The following NKIRAS1 variants were observed in gnomAD, a reference collection of about 807,000 sequenced individuals.
The protein encoded by NKIRAS1 is NF-kappa-B inhibitor-interacting Ras-like protein 1.
In NKIRAS1, 16 loss-of-function variants were observed where a neutral mutation model predicts 19.8. That is an observed-to-expected ratio of 0.81 (90% CI 0.55 to 1.23). The LOEUF (loss-of-function observed/expected upper bound fraction) is 1.23. Among genes scored for constraint, NKIRAS1 ranks in the 50% most tolerant of loss-of-function variants. The pLI, the probability that NKIRAS1 is intolerant of heterozygous loss-of-function variation, is 0.00. For missense variants in NKIRAS1, 184 were observed against 220.0 expected, an observed-to-expected ratio of 0.84 and a Z score of 1.04; for synonymous variants, 88 against 79.0, an observed-to-expected ratio of 1.11 and a Z score of -0.61.
At chr3:23,916,026 G>A (rs568480406) in intron 1 of NKIRAS1, 18 of 152,252 alleles carry the variant, frequency 1.2e-4, no homozygotes, top group African/African-American at 4.3e-4. Context: ...CAGCAACTAT[G>A]CCTGGCACAT....
intron 1 of NKIRAS1, among the ~76,000 whole-genome samples, chr3:23,914,811 T>G (rs530757270): frequency 3.3e-5 from 5 of 152,252 alleles, no homozygotes; most frequent in Admixed American, 3.3e-4. Flanking sequence ...TTATTCACAC[T>G]ACTAGAATTG....
At chr3:23,921,501 C>G (rs1705077712), upstream of NKIRAS1, 1 of 667,404 alleles carries the variant, frequency 1.5e-6, no homozygotes, top group East Asian at 2.7e-5. Context: ...GACCGCCCCA[C>G]AAGCTGTTCC....
At chr3:23,938,505 C>T (rs544877812) in intron 1 of NKIRAS1, among the ~76,000 whole-genome samples, 2 of 152,262 alleles carry the variant, frequency 1.3e-5, no homozygotes, top group Admixed American at 6.5e-5. Flanking sequence ...AGCCACCATG[C>T]CCAGCCATGT....
chr3:23,942,420 C>T (rs1221988832), intron 1 of NKIRAS1, among the ~76,000 whole-genome samples: 1 of 152,062 alleles, frequency 6.6e-6, no homozygotes. Context: ...CATTCAAAGC[C>T]ATAGTTTATT....
chr3:23,935,344 A>G (rs910744527), intron 1 of NKIRAS1, among the ~76,000 whole-genome samples: 20 of 152,092 alleles, frequency 1.3e-4, no homozygotes, highest in African/African-American at 4.8e-4. Flanking sequence ...TTAGTTTATG[A>G]AAGAAAGGTG....
At chr3:23,946,010 C>T (rs1705680751) in intron 1 of NKIRAS1, 3 of 719,220 alleles carry the variant, frequency 4.2e-6, no homozygotes, top group Non-Finnish European at 5.1e-6. Context: ...CCCGGGGCCG[C>T]AGGGACACGT....
At chr3:23,895,155 ATCC>A (rs1228730454) in intron 4 of NKIRAS1, among the ~76,000 whole-genome samples, 7 of 151,950 alleles carry the variant, frequency 4.6e-5, no homozygotes, top group Middle Eastern at 3.4e-3. Context: ...AGCGATCGTG[ATCC>A]TCCTCCTCAG....
At chr3:23,903,458 A>G (rs1202419457) in intron 3 of NKIRAS1, among the ~76,000 whole-genome samples, 1 of 152,170 alleles carries the variant, frequency 6.6e-6, no homozygotes, top group Non-Finnish European at 1.5e-5. Flanking sequence ...AAGGTTTAGC[A>G]GACACCTGAA....
Position 23,893,086 on chromosome 3 carries a change from T to C in NKIRAS1, c.*9A>G, listed in dbSNP as rs371379170. 7.8e-6 allele frequency: 12 copies of C among 1,539,234 alleles called. No homozygotes were observed. Among genetic ancestry groups the C allele is most frequent in the Non-Finnish European group, 9.6e-6 (11 of 1,147,442 alleles). On this transcript the variant is annotated 3_prime_UTR_variant, in exon 5 of 5. Coordinates refer to ENST00000425478, the MANE Select transcript of NKIRAS1 (RefSeq NM_020345.4). ...CTATTCAACATACAATTGTGGAAAT[T>C]ACTGATTTTTAGTTCTCAGAATTAG...
intron 1 of NKIRAS1, among the ~76,000 whole-genome samples, chr3:23,935,991 G>A (rs1311149441): frequency 6.9e-6 from 1 of 144,794 alleles, no homozygotes; most frequent in Non-Finnish European, 1.5e-5. Context: ...GTTCAAGTGG[G>A]AGAATTGCTT....
chr3:23,936,209 G>T lies in NKIRAS1; in HGVS notation c.-140+10114C>A, dbSNP rs554631955. Among the ~76,000 whole-genome samples the T allele has an allele frequency of 5.3e-5, 8 of 152,022 alleles. No individual in the cohort carries two copies. The South Asian group carries it at 1.5e-3, about 28-fold the overall frequency. On this transcript the variant is annotated intron_variant, in intron 1 of 4. Transcript: ENST00000421515. Reference sequence around the variant, plus strand: ...ATAGGCAGAAATCCATCCAGGCATGGAAGAAGATCTGGAATCATAAACCCA... The same window carrying T: ...ATAGGCAGAAATCCATCCAGGCATGTAAGAAGATCTGGAATCATAAACCCA...
At chr3:23,945,041 T>G (rs911392708) in intron 1 of NKIRAS1, among the ~76,000 whole-genome samples, 2 of 148,524 alleles carry the variant, frequency 1.3e-5, no homozygotes, top group African/African-American at 5.0e-5. Context: ...AGGGGAGGAA[T>G]ATGCGGCGGA....
upstream of NKIRAS1, chr3:23,917,820 T>A (rs374895871): frequency 3.2e-6 from 5 of 1,576,446 alleles, no homozygotes; most frequent in Non-Finnish European, 3.4e-6. Flanking sequence ...TTAAAGCGGA[T>A]GATATTTAAT....
rs1478102434 is a variant in NKIRAS1 at position 23,927,073 on chromosome 3, G to C, written c.-139-15623C>G. Among the ~76,000 whole-genome samples the C allele has an allele frequency of 6.6e-6, 1 of 152,156 alleles. No individual in the cohort carries two copies. The highest frequency in any genetic ancestry group is 1.5e-5 in the Non-Finnish European group (1 of 68,032). On this transcript the variant is annotated intron_variant, in intron 1 of 4. Coordinates refer to the NKIRAS1 transcript ENST00000421515. The surrounding 1 kb of genome is among the most constrained non-coding windows in gnomAD (Gnocchi z 4.0). The stretch of plus-strand genomic sequence containing the variant: ...CTTGGGAAGGCTGACTAGACATTTA[G>C]CTTCTCCATCGATTTTAGTTATTCT...
intron 1 of NKIRAS1, chr3:23,916,494 C>A (rs1379636779): frequency 6.6e-6 from 1 of 152,358 alleles, no homozygotes; most frequent in Non-Finnish European, 1.5e-5. Flanking sequence ...CCGCAATCCA[C>A]CCACTCCATG....
intron 1 of NKIRAS1, among the ~76,000 whole-genome samples, chr3:23,937,907 C>T (rs931642345): frequency 3.3e-5 from 5 of 151,996 alleles, no homozygotes; most frequent in Admixed American, 2.0e-4. Flanking sequence ...AACCCTTTTA[C>T]CTACTAGATT....
chr3:23,940,059 G>A (rs187828953), intron 1 of NKIRAS1, among the ~76,000 whole-genome samples: 27 of 151,114 alleles, frequency 1.8e-4, no homozygotes, highest in Admixed American at 1.3e-3. Flanking sequence ...GACCGGGTGC[G>A]TAGGCTCACA....
rs1157902933 is a variant in NKIRAS1, at chr3:23,940,313, C to G, written c.-140+6010G>C. Among the ~76,000 whole-genome samples the G allele has an allele frequency of 2.6e-5, 4 of 151,422 alleles. No homozygotes were observed. In the East Asian group the frequency reaches 7.7e-4, roughly 29 times the overall value. ...TAAGTTATATGATTGCACCACTGTA[C>G]TGCAGCTGGGGCGACAAAGCCAGAC... On this transcript the variant is annotated intron_variant, in intron 1 of 4. Coordinates refer to the NKIRAS1 transcript ENST00000421515.
At chr3:23,945,745 C>A in intron 1 of NKIRAS1, 1 of 534,890 alleles carries the variant, frequency 1.9e-6, no homozygotes, top group East Asian at 5.2e-5. Flanking sequence ...GGCTCGGTTC[C>A]CATCGCCCCC....
Sources: allele counts gnomAD v4.1 joint callset (sites outside exome capture counted in the v4.1 genomes callset), GRCh38; gene constraint gnomAD v4.1.1; non-coding constraint Gnocchi (gnomAD v3.1); transcripts MANE v1.5; gene names NCBI Gene and HGNC (gene_info 2026-07-23, HGNC 2026-07-21).